The following NRXN3 variants were observed in gnomAD, a reference collection of about 807,000 sequenced individuals.
The protein encoded by NRXN3 is neurexin 3.
Under a neutral mutation model 137.6 loss-of-function variants are expected in NRXN3, and 32 were observed. That is an observed-to-expected ratio of 0.23 (90% CI 0.18 to 0.31). NRXN3 has a LOEUF of 0.31. Among genes scored for constraint, NRXN3 ranks in the 10% least tolerant of loss-of-function variants. The pLI, the probability that NRXN3 is intolerant of heterozygous loss-of-function variation, is 1.00. For missense variants in NRXN3, 1,574 were observed against 2,062.5 expected (o/e 0.76, Z 4.59); for synonymous variants, 798 against 784.5 (o/e 1.02, Z -0.29).
intron 15 of NRXN3, among the ~76,000 whole-genome samples, chr14:79,103,851 C>G (rs536617027): frequency 1.2e-4 from 19 of 152,262 alleles, no homozygotes; most frequent in African/African-American, 4.6e-4. Context: ...AATGCCTTCC[C>G]AACATACATA....
Position 78,424,986 on chromosome 14 carries a change from C to G in NRXN3, c.757+127126C>G, listed in dbSNP as rs986922346. Among the ~76,000 whole-genome samples, 4 of 152,318 alleles carry G rather than the reference C, an allele frequency of 2.6e-5. No homozygotes were observed. In the South Asian group the frequency reaches 8.3e-4, roughly 32 times the overall value. The stretch of plus-strand genomic sequence containing the variant: ...TGCTGGTCCCTTGGTTGTTCAGTGT[C>G]TGAGGACAGTGGCTTGTCTGATTTT... On this transcript the variant is annotated intron_variant, in intron 4 of 20. Transcript: ENST00000335750.
chr14:79,625,371 G>A (rs926032114), intron 16 of NRXN3, among the ~76,000 whole-genome samples: 8 of 152,006 alleles, frequency 5.3e-5, no homozygotes, highest in Non-Finnish European at 8.8e-5. Context: ...AACTATCAGG[G>A]GATGTTTGGG....
chr14:79,734,258 A>C (rs1458626323), intron 19 of NRXN3, among the ~76,000 whole-genome samples: 1 of 152,138 alleles, frequency 6.6e-6, no homozygotes, highest in Non-Finnish European at 1.5e-5. Context: ...TTCTGTGTAA[A>C]CTCTGGAATT....
At chr14:79,241,975 G>A (rs576537197) in intron 15 of NRXN3, among the ~76,000 whole-genome samples, 2 of 151,896 alleles carry the variant, frequency 1.3e-5, no homozygotes, top group African/African-American at 2.4e-5. Flanking sequence ...GCTGAGGCAG[G>A]AGAATCACTT....
chr14:79,775,684 A>G (rs2099094776), intron 19 of NRXN3, among the ~76,000 whole-genome samples: 1 of 152,110 alleles, frequency 6.6e-6, no homozygotes, highest in Admixed American at 6.6e-5. Flanking sequence ...TGGGGAGCAG[A>G]GAGACAGAAG....
rs58861355 is a variant in NRXN3, at chr14:79,486,913, TTCTCTCTCTCTCTCTCTCTC to T, written c.3444+19540_3444+19559del. Reference sequence around the variant, plus strand: ...CCTTCTATTAAACTCTCTTTACAGGTTCTCTCTCTCTCTCTCTCTCTCTCTCTCTCTCTCTCTCTCTCTCT... The same window carrying T: ...CCTTCTATTAAACTCTCTTTACAGGTTCTCTCTCTCTCTCTCTCTCTCTCT... On this transcript the variant is annotated intron_variant, in intron 16 of 20. Coordinates refer to ENST00000335750, the MANE Select transcript of NRXN3 (RefSeq NM_001330195.2). 5.1e-4 allele frequency among the ~76,000 whole-genome samples: 66 copies of T among 128,534 alleles called. 1 individual carries two copies. Among genetic ancestry groups the T allele is most frequent in the Admixed American group, 1.1e-3 (15 of 13,090 alleles). 84.3% of individuals were successfully genotyped at this position (128,534 alleles called of 152,430 possible). A position where few individuals can be genotyped will look rare whatever the true frequency, so the allele number is the denominator to read the frequency against.
chr14:78,593,701 G>A (rs1028602624), intron 4 of NRXN3, among the ~76,000 whole-genome samples: 2 of 152,148 alleles, frequency 1.3e-5, no homozygotes, highest in African/African-American at 4.8e-5. Context: ...GGTCGAGGAG[G>A]GGGTGGGGAA....
At chr14:79,591,240 G>T (rs2097800895) in intron 16 of NRXN3, among the ~76,000 whole-genome samples, 1 of 152,146 alleles carries the variant, frequency 6.6e-6, no homozygotes, top group African/African-American at 2.4e-5. Flanking sequence ...AACAAAATAT[G>T]ACATTTAAAG....
chr14:79,647,401 G>A (rs192507879), intron 16 of NRXN3, among the ~76,000 whole-genome samples: 2 of 135,382 alleles, frequency 1.5e-5, no homozygotes, highest in African/African-American at 4.9e-5. Flanking sequence ...ATACGGAACG[G>A]TCTGCTGTCA....
intron 15 of NRXN3, among the ~76,000 whole-genome samples, chr14:79,370,591 T>C (rs1291224301): frequency 6.6e-6 from 1 of 152,094 alleles, no homozygotes; most frequent in African/African-American, 2.4e-5. Context: ...GTGCTGGGAT[T>C]ACAGGCATGA....
chr14:78,611,907 G>T (rs528089753), intron 4 of NRXN3, among the ~76,000 whole-genome samples: 2 of 152,188 alleles, frequency 1.3e-5, no homozygotes, highest in Non-Finnish European at 2.9e-5. Context: ...TTGTTGATAA[G>T]ATTGGTTTAT....
rs543959052 is a variant in NRXN3, at chr14:79,277,301, G to T, written c.3263-189920G>T. Among the ~76,000 whole-genome samples the T allele has an allele frequency of 5.6e-4, 86 of 152,288 alleles. 1 individual carries two copies. The highest frequency in any genetic ancestry group is 2.0e-3 in the African/African-American group (84 of 41,566). On this transcript the variant is annotated intron_variant, in intron 15 of 20. Coordinates refer to ENST00000335750, the MANE Select transcript of NRXN3 (RefSeq NM_001330195.2). ...GAGAGTAGGGAGGAATGGGGCATCT[G>T]GCAGGAGATGGAGCTGAAGCATTAG...
At chr14:78,585,514 A>T (rs544742262) in intron 4 of NRXN3, among the ~76,000 whole-genome samples, 69 of 152,282 alleles carry the variant, frequency 4.5e-4, no homozygotes, top group Admixed American at 1.8e-3. Flanking sequence ...TTTAGGGACA[A>T]GGGAGGGTGG....
intron 4 of NRXN3, among the ~76,000 whole-genome samples, chr14:78,525,132 G>A (rs1003800267): frequency 5.3e-5 from 8 of 152,170 alleles, no homozygotes; most frequent in African/African-American, 1.7e-4. Flanking sequence ...TACAAAGTGG[G>A]GTTCTTGGAA....
At chr14:79,054,650 G>C (rs1434310324) in intron 15 of NRXN3, among the ~76,000 whole-genome samples, 2 of 152,142 alleles carry the variant, frequency 1.3e-5, no homozygotes, top group African/African-American at 4.8e-5. Context: ...ACAGACTGGG[G>C]ATTCTATCTG....
intron 15 of NRXN3, among the ~76,000 whole-genome samples, chr14:79,446,852 A>G (rs1247748747): frequency 2.0e-5 from 3 of 152,220 alleles, no homozygotes; most frequent in African/African-American, 7.2e-5. Flanking sequence ...AGAACACCTA[A>G]CTGTGAGATC....
chr14:78,902,173 A>G (rs1163718389), intron 10 of NRXN3, among the ~76,000 whole-genome samples: 1 of 152,106 alleles, frequency 6.6e-6, no homozygotes, highest in East Asian at 1.9e-4. Context: ...TTTCTGGCAC[A>G]GGCATCTCAA....
chr14:78,280,477 C>T (rs919311584), intron 3 of NRXN3, among the ~76,000 whole-genome samples: 2 of 152,072 alleles, frequency 1.3e-5, no homozygotes, highest in African/African-American at 2.4e-5. Context: ...CTCAAGGAAG[C>T]GAGGGAGTAA....
chr14:79,446,362 G>A (rs375002984), intron 15 of NRXN3, among the ~76,000 whole-genome samples: 1 of 152,086 alleles, frequency 6.6e-6, no homozygotes, highest in Non-Finnish European at 1.5e-5. Context: ...TTTTCTGAAA[G>A]TCTTATCTCT....
Sources: gnomAD v4.1 joint callset for allele counts (sites outside exome capture counted in the v4.1 genomes callset) on GRCh38, gnomAD v4.1.1 for gene constraint, MANE v1.5 for transcripts, NCBI Gene and HGNC (gene_info 2026-07-23, HGNC 2026-07-21) for gene names.